Variants in PRPF6 observed in about 807,000 individuals in gnomAD.
PRPF6 encodes pre-mRNA processing factor 6.
A neutral mutation model predicts 118.3 loss-of-function variants in PRPF6; 42 were observed. The observed-to-expected ratio is 0.35, with a 90% CI of 0.28 to 0.46. PRPF6 has a LOEUF of 0.46. Among genes scored for constraint, PRPF6 ranks in the 20% least tolerant of loss-of-function variants. The pLI, the probability that PRPF6 is intolerant of heterozygous loss-of-function variation, is 1.00. For missense variants in PRPF6, 662 were observed against 1,255.7 expected, an observed-to-expected ratio of 0.53 and a Z score of 7.15; for synonymous variants, 481 against 485.1, an observed-to-expected ratio of 0.99 and a Z score of 0.11.
In PRPF6 at chr20:64,026,251, A is replaced by G. The variant is rs1285297324; in HGVS notation, c.2028+193A>G. 6.6e-6 allele frequency among the ~76,000 whole-genome samples: 1 copy of G among 151,986 alleles called. No homozygotes were observed. Among genetic ancestry groups the G allele is most frequent in the Middle Eastern group, 3.2e-3 (1 of 316 alleles). ...GCCGGGCGCGGTGGCTCACGCCTGT[A>G]ATCTCAGCACTTTGGGAGGCCAAGG... On this transcript the variant is annotated intron_variant, in intron 15 of 20. Coordinates refer to ENST00000266079, the MANE Select transcript of PRPF6 (RefSeq NM_012469.4). The surrounding 1 kb of genome is among the most constrained non-coding windows in gnomAD (Gnocchi z 4.4).
chr20:64,003,005 C>T lies in PRPF6; in HGVS notation c.1186+1766C>T, dbSNP rs1013942259. ...TGTCACCCAGGCTGGAGTGCAGTGG[C>T]ACGATCTTGGCTCACTGCAGCCACC... On this transcript the variant is annotated intron_variant, in intron 9 of 20. Transcript: ENST00000266079. Among the ~76,000 whole-genome samples the T allele has an allele frequency of 9.3e-5, 14 of 151,106 alleles. No homozygotes were observed. The South Asian group carries it at 1.0e-3, about 11-fold the overall frequency.
At chr20:64,003,187 C>T (rs974036190) in intron 9 of PRPF6, among the ~76,000 whole-genome samples, 1 of 152,216 alleles carries the variant, frequency 6.6e-6, no homozygotes, top group Non-Finnish European at 1.5e-5. Context: ...AGTGATCCTC[C>T]TGCCTTGATC....
chr20:64,027,064 A>T lies in PRPF6; in HGVS notation c.2111A>T (p.His704Leu). 1 of 1,614,102 alleles carries T rather than the reference A, an allele frequency of 6.2e-7. No homozygotes were observed. Among genetic ancestry groups the T allele is most frequent in the South Asian group, 1.1e-5 (1 of 91,088 alleles). ...AQDLCEEALR[H>L]YEDFPKLWMM... ...GATCTGTGCGAGGAGGCCCTGCGGC[A>T]CTATGAGGACTTCCCCAAGCTGTGG... Residue 704 changes from histidine to leucine, a missense_variant, in exon 16 of 21, where the codon CAC becomes CTC. By Grantham distance (99) the His-to-Leu change is moderately conservative. Around this residue, in one of 10 missense-constraint regions of PRPF6, gnomAD observed 244 missense variants for 383.7 expected, o/e 0.64. Coordinates refer to ENST00000266079, the MANE Select transcript of PRPF6 (RefSeq NM_012469.4). This position sits in a 1 kb window ranked among gnomAD's most constrained non-coding sequence, Gnocchi z 6.5.
At position 64,026,432 on chromosome 20, in the gene PRPF6, G is replaced by T. The variant is rs1298663045; in HGVS notation, c.2028+374G>T. Among the ~76,000 whole-genome samples, 1 of 152,160 alleles carries T rather than the reference G, an allele frequency of 6.6e-6. No individual in the cohort carries two copies. Among genetic ancestry groups the T allele is most frequent in the Non-Finnish European group, 1.5e-5 (1 of 68,024 alleles). On this transcript the variant is annotated intron_variant, in intron 15 of 20. Transcript: ENST00000266079. The surrounding 1 kb of genome is among the most constrained non-coding windows in gnomAD (Gnocchi z 4.4). ...GAGGCAGGAGAATCGCTTGAACCCC[G>T]GGGGTGGAGGTTGCGGTGAGCTGAG...
chr20:64,031,228 A>G (rs1015019418), intron 19 of PRPF6, among the ~76,000 whole-genome samples: 10 of 152,240 alleles, frequency 6.6e-5, no homozygotes, highest in Admixed American at 1.3e-4. Flanking sequence ...GTGGGGCAGG[A>G]TGATCCAGCA....
chr20:63,993,500 CG>C lies in PRPF6; in HGVS notation c.438+17del. ...CAGACCTCAAGGTGAGCCGATGAAG[CG>C]GTGAATGGTGTGCGGTTTCTAACGC... On this transcript the variant is annotated intron_variant, in intron 4 of 20. Coordinates refer to ENST00000266079, the MANE Select transcript of PRPF6 (RefSeq NM_012469.4). 6.2e-7 allele frequency: 1 copy of C among 1,600,956 alleles called. No homozygotes were observed. The highest frequency in any genetic ancestry group is 1.7e-5 in the Admixed American group (1 of 59,904).
intron 3 of PRPF6, among the ~76,000 whole-genome samples, chr20:63,987,185 A>AG (rs1569211101): frequency 6.9e-6 from 1 of 145,372 alleles, no homozygotes; most frequent in East Asian, 2.1e-4. Flanking sequence ...AAAAAAAAAA[A>AG]AAAAGGGGGG....
intron 13 of PRPF6, among the ~76,000 whole-genome samples, chr20:64,023,791 C>T (rs553737206): frequency 6.6e-5 from 10 of 152,272 alleles, no homozygotes; most frequent in African/African-American, 9.6e-5. Flanking sequence ...TGAGGTCTCT[C>T]GGCCCGTGAC....
chr20:63,997,924 G>C (rs1263894573), intron 6 of PRPF6, among the ~76,000 whole-genome samples: 3 of 152,022 alleles, frequency 2.0e-5, no homozygotes, highest in Admixed American at 1.3e-4. Context: ...TTTGGTGTGT[G>C]TGGACCGCAT....
At chr20:64,013,473 G>T (rs537254374) in intron 11 of PRPF6, among the ~76,000 whole-genome samples, 157 of 150,994 alleles carry the variant, frequency 1.0e-3, no homozygotes, top group Non-Finnish European at 1.7e-3. Flanking sequence ...TTGAGACAGG[G>T]TCTCGCCGTG....
chr20:64,000,016 A>G (rs1221497093), intron 8 of PRPF6, among the ~76,000 whole-genome samples: 1 of 150,490 alleles, frequency 6.6e-6, no homozygotes, highest in Non-Finnish European at 1.5e-5. Context: ...CAGTGGCACG[A>G]TCTCGGCTCA....
Position 64,027,529 on chromosome 20 carries a change from G to A in PRPF6, c.2206-74G>A. ...AGGGACTCGGTCACCCACTGCAGATGAGAAGCTGGGCATGGCTGTGTCCCA... is the reference window on the plus strand; with the variant it reads ...AGGGACTCGGTCACCCACTGCAGATAAGAAGCTGGGCATGGCTGTGTCCCA... On this transcript the variant is annotated intron_variant, in intron 16 of 20. Transcript: ENST00000266079. This position sits in a 1 kb window ranked among gnomAD's most constrained non-coding sequence, Gnocchi z 6.5. 6.2e-7 allele frequency: 1 copy of A among 1,604,170 alleles called. No individual in the cohort carries two copies. The highest frequency in any genetic ancestry group is 2.2e-5 in the East Asian group (1 of 44,824).
intron 20 of PRPF6, 99 bp downstream of exon 20, chr20:64,032,143 G>A (rs2059317767): frequency 3.8e-6 from 6 of 1,576,756 alleles, no homozygotes; most frequent in Non-Finnish European, 5.2e-6. Flanking sequence ...CGGCCAGCGT[G>A]ACTCTGCCCG....
intron 6 of PRPF6, among the ~76,000 whole-genome samples, chr20:63,998,715 G>A (rs1030697005): frequency 6.7e-5 from 10 of 150,028 alleles, no homozygotes; most frequent in Non-Finnish European, 1.0e-4. Flanking sequence ...GGTGGCGGGC[G>A]CCTGTAGTCC....
Position 64,029,791 on chromosome 20 carries a change from G to A in PRPF6, c.2546+300G>A, listed in dbSNP as rs924800273. Among the ~76,000 whole-genome samples, 7 of 144,348 alleles carry A rather than the reference G, an allele frequency of 4.8e-5. No homozygotes were observed. The highest frequency in any genetic ancestry group is 1.7e-4 in the African/African-American group (7 of 40,564). The allele number at this position is 144,348 out of a possible 152,430, so 94.7% of individuals were successfully genotyped here. A position where few individuals can be genotyped will look rare whatever the true frequency, so the allele number is the denominator to read the frequency against. The stretch of plus-strand genomic sequence containing the variant: ...ATTCACACTGGTGCGCTGGCCGCCA[G>A]GTCAGAGACTCACCGGGGACGCATG... On this transcript the variant is annotated intron_variant, in intron 19 of 20. Transcript: ENST00000266079. This position sits in a 1 kb window ranked among gnomAD's most constrained non-coding sequence, Gnocchi z 4.8.
rs771425756 is a variant in PRPF6 at position 64,028,563 on chromosome 20, AACTCCGGTAAGGGGGTGCCCCG to A, written c.2431+15_2431+36del. 2.3e-4 allele frequency: 369 copies of A among 1,612,786 alleles called. 1 individual carries two copies. Among genetic ancestry groups the A allele is most frequent in the Middle Eastern group, 8.3e-4 (5 of 6,060 alleles). Reference sequence around the variant, plus strand: ...GGCCAAGGCGCTGCAGGAGTGCCCCAACTCCGGTAAGGGGGTGCCCCGACTCCGGTAAGGGGGTGCCCTGACT... The same window carrying A: ...GGCCAAGGCGCTGCAGGAGTGCCCCAACTCCGGTAAGGGGGTGCCCTGACT... On this transcript the variant is annotated splice_donor_variant and splice_donor_5th_base_variant and coding_sequence_variant and intron_variant, in exon 18 of 21. Transcript: ENST00000266079. LOFTEE classifies it high-confidence loss of function. This position sits in a 1 kb window ranked among gnomAD's most constrained non-coding sequence, Gnocchi z 6.5.
intron 11 of PRPF6, among the ~76,000 whole-genome samples, chr20:64,015,478 G>A (rs1176964460): frequency 2.0e-5 from 3 of 152,230 alleles, no homozygotes; most frequent in Non-Finnish European, 4.4e-5. Flanking sequence ...GGCTCCGGTT[G>A]CACTTTGCTC....
At chr20:64,031,763 C>G (rs2059315646) in intron 19 of PRPF6, among the ~76,000 whole-genome samples, 155 bp from the exon 20 acceptor site, 1 of 151,630 alleles carries the variant, frequency 6.6e-6, no homozygotes, top group Non-Finnish European at 1.5e-5. Context: ...GTAATTATTT[C>G]TGGATCAGCC....
intron 6 of PRPF6, among the ~76,000 whole-genome samples, chr20:63,996,295 C>T (rs1002772781): frequency 6.6e-6 from 1 of 152,080 alleles, no homozygotes; most frequent in Non-Finnish European, 1.5e-5. Context: ...GCCGAGATTG[C>T]ACCAGTGCAC....
Sources: gnomAD v4.1 joint callset for allele counts (sites outside exome capture counted in the v4.1 genomes callset) on GRCh38, gnomAD v4.1.1 for gene constraint, gnomAD v4.1.1 regional missense constraint, Gnocchi (gnomAD v3.1) non-coding constraint, MANE v1.5 for transcripts, NCBI Gene and HGNC (gene_info 2026-07-23, HGNC 2026-07-21) for gene names.